The following CRYL1 variants were observed in gnomAD, a reference collection of about 807,000 sequenced individuals.
CRYL1 encodes the protein crystallin lambda 1, also known as lambda-crystallin homolog.
Under a neutral mutation model 36.6 loss-of-function variants are expected in CRYL1, and 29 were observed. The observed-to-expected ratio is 0.79, with a 90% CI of 0.59 to 1.08. CRYL1 has a LOEUF of 1.08. CRYL1 is among the 50% of genes least tolerant of loss of function. The pLI is 0.00. For synonymous variants in CRYL1, 152 were observed against 151.5 expected (o/e 1.00, Z -0.02); for missense variants, 411 against 407.9 (o/e 1.01, Z -0.06).
At chr13:20,512,109 T>C (rs1268676717) in intron 2 of CRYL1, among the ~76,000 whole-genome samples, 1 of 152,216 alleles carries the variant, frequency 6.6e-6, no homozygotes, top group Admixed American at 6.5e-5. Context: ...TGTCACATGC[T>C]GGAAGCGAGT....
intron 3 of CRYL1, among the ~76,000 whole-genome samples, chr13:20,460,672 C>CCCA (rs1297928671): frequency 1.3e-5 from 2 of 151,770 alleles, no homozygotes; most frequent in East Asian, 1.9e-4. Flanking sequence ...ACTACAGGCG[C>CCCA]CCGCCACTAC....
At chr13:20,517,299 T>C (rs1256446363) in intron 1 of CRYL1, among the ~76,000 whole-genome samples, 1 of 152,150 alleles carries the variant, frequency 6.6e-6, no homozygotes, top group African/African-American at 2.4e-5. Context: ...CAAATTGTTT[T>C]TGGATTTTGA....
At chr13:20,416,586 C>G (rs1347440056) in intron 5 of CRYL1, among the ~76,000 whole-genome samples, 1 of 152,220 alleles carries the variant, frequency 6.6e-6, no homozygotes. Flanking sequence ...GGCCAACATT[C>G]CAAACAGCCC....
At chr13:20,468,216 T>C (rs1032999092) in intron 3 of CRYL1, among the ~76,000 whole-genome samples, 2 of 152,242 alleles carry the variant, frequency 1.3e-5, no homozygotes, top group Non-Finnish European at 1.5e-5. Context: ...GAAATTTTTT[T>C]AAGGCGTTAA....
At chr13:20,523,554 T>C (rs1262033883) in intron 1 of CRYL1, among the ~76,000 whole-genome samples, 1 of 152,094 alleles carries the variant, frequency 6.6e-6, no homozygotes, top group Non-Finnish European at 1.5e-5. Flanking sequence ...GCAAATTAAT[T>C]GACATTCCCC....
At chr13:20,408,931 A>C (rs2031450157) in intron 6 of CRYL1, among the ~76,000 whole-genome samples, 1 of 152,218 alleles carries the variant, frequency 6.6e-6, no homozygotes, top group South Asian at 2.1e-4. Flanking sequence ...TGCCCAAGGT[A>C]ATTTACAGAT....
intron 3 of CRYL1, among the ~76,000 whole-genome samples, chr13:20,454,127 C>T (rs1169822959): frequency 6.6e-6 from 1 of 151,982 alleles, no homozygotes; most frequent in Non-Finnish European, 1.5e-5. Context: ...GAAACATTTC[C>T]CAACTCATTC....
chr13:20,502,071 G>A (rs1178634262), intron 2 of CRYL1, among the ~76,000 whole-genome samples: 2 of 152,106 alleles, frequency 1.3e-5, no homozygotes, highest in Non-Finnish European at 2.9e-5. Flanking sequence ...CCAGACTTCC[G>A]TTTGACAGCA....
Position 20,420,701 on chromosome 13 carries a change from T to TTTTTTTTTTTTTTTTTTTGTG in CRYL1, c.634-7315_634-7314insCACAAAAAAAAAAAAAAAAAA. On this transcript the variant is annotated intron_variant, in intron 5 of 7. Coordinates refer to ENST00000298248, the MANE Select transcript of CRYL1 (RefSeq NM_015974.3). The stretch of plus-strand genomic sequence containing the variant: ...CTTTGACTTTTCTTTAAAATAGAGG[T>TTTTTTTTTTTTTTTTTTTGTG]TGTGTGTGTGTGTGTGTGTGTGTGT... Among the ~76,000 whole-genome samples, 48 of 21,872 alleles carry TTTTTTTTTTTTTTTTTTTGTG rather than the reference T, an allele frequency of 2.2e-3. 4 individuals are homozygous for TTTTTTTTTTTTTTTTTTTGTG. The highest frequency in any genetic ancestry group is 6.5e-3 in the South Asian group (2 of 306). The allele number at this position is 21,872 out of a possible 152,430, so 14.3% of individuals were successfully genotyped here.
chr13:20,454,986 T>C (rs1361237871), intron 3 of CRYL1, among the ~76,000 whole-genome samples: 3 of 152,088 alleles, frequency 2.0e-5, no homozygotes, highest in South Asian at 2.1e-4. Flanking sequence ...AAAAAGCATA[T>C]AGATTGAAAA....
intron 5 of CRYL1, chr13:20,418,923 T>G (rs942405017): frequency 2.0e-5 from 3 of 152,174 alleles, no homozygotes; most frequent in African/African-American, 7.2e-5. Flanking sequence ...AAAGGTTTTA[T>G]CTTAGGTGAG....
chr13:20,438,941 C>A (rs2032291441), intron 4 of CRYL1, among the ~76,000 whole-genome samples: 1 of 152,166 alleles, frequency 6.6e-6, no homozygotes, highest in Non-Finnish European at 1.5e-5. Flanking sequence ...TCCTTGAGTG[C>A]TTGCACGCCA....
At chr13:20,444,580 G>C (rs1467405091) in intron 3 of CRYL1, among the ~76,000 whole-genome samples, 1 of 152,116 alleles carries the variant, frequency 6.6e-6, no homozygotes. Context: ...TGTACCGTTT[G>C]TGAAATCATT....
chr13:20,487,100 G>A (rs530797596), intron 3 of CRYL1, among the ~76,000 whole-genome samples: 149 of 152,286 alleles, frequency 9.8e-4, no homozygotes, highest in African/African-American at 3.4e-3. Flanking sequence ...AGTTTTGGAT[G>A]TTTATAGAAA....
intron 6 of CRYL1, among the ~76,000 whole-genome samples, chr13:20,411,561 A>ATT (rs2031525089): frequency 6.6e-6 from 1 of 152,238 alleles, no homozygotes; most frequent in Admixed American, 6.5e-5. Flanking sequence ...ATTTCTATAC[A>ATT]TTTCAAATGC....
At chr13:20,422,093 T>C (rs2031831107) in intron 5 of CRYL1, among the ~76,000 whole-genome samples, 1 of 152,072 alleles carries the variant, frequency 6.6e-6, no homozygotes, top group South Asian at 2.1e-4. Flanking sequence ...GCGCGGTGGC[T>C]CACACCTGTA....
intron 5 of CRYL1, among the ~76,000 whole-genome samples, chr13:20,424,526 G>A (rs1006229703): frequency 3.9e-5 from 6 of 152,200 alleles, no homozygotes; most frequent in Admixed American, 2.6e-4. Flanking sequence ...CCAGCTGAGC[G>A]AAGGGACAAT....
intron 2 of CRYL1, among the ~76,000 whole-genome samples, chr13:20,510,456 C>G (rs187751626): frequency 6.6e-6 from 1 of 151,850 alleles, no homozygotes; most frequent in Non-Finnish European, 1.5e-5. Context: ...CTGTGGAGAC[C>G]GTAAAAGGAT....
intron 6 of CRYL1, among the ~76,000 whole-genome samples, chr13:20,406,572 G>A (rs1435468758): frequency 1.3e-5 from 2 of 152,158 alleles, no homozygotes; most frequent in African/African-American, 4.8e-5. Flanking sequence ...CACTGGATAC[G>A]TACTGTAGAT....
Sources: gnomAD v4.1 joint callset for allele counts (sites outside exome capture counted in the v4.1 genomes callset) on GRCh38, gnomAD v4.1.1 for gene constraint, MANE v1.5 for transcripts, NCBI Gene and HGNC (gene_info 2026-07-23, HGNC 2026-07-21) for gene names.